ZNF813: variants seen among roughly 807,000 people sequenced by gnomAD.
ZNF813 encodes zinc finger protein 813.
Under a neutral mutation model 7.2 loss-of-function variants are expected in ZNF813, and 3 were observed. That is an observed-to-expected ratio of 0.42 (90% CI 0.19 to 1.08). The LOEUF (loss-of-function observed/expected upper bound fraction) is 1.08. Among genes scored for constraint, ZNF813 ranks in the 50% least tolerant of loss-of-function variants. ZNF813 has a pLI of 0.30. For synonymous variants in ZNF813, 227 were observed against 256.3 expected (o/e 0.89, Z 1.09); for missense variants, 714 against 753.3 (o/e 0.95, Z 0.61).
At chr19:53,480,818 A>G (rs2086404510) in intron 1 of ZNF813, among the ~76,000 whole-genome samples, 3 of 152,182 alleles carry the variant, frequency 2.0e-5, no homozygotes, top group South Asian at 4.1e-4. Context: ...TTGGATTGGC[A>G]TGGAACTTTT....
chr19:53,479,127 G>C (rs2086395450), intron 1 of ZNF813, among the ~76,000 whole-genome samples: 1 of 152,084 alleles, frequency 6.6e-6, no homozygotes, highest in South Asian at 2.1e-4. Flanking sequence ...CAGATATGGG[G>C]TTTCACCATG....
chr19:53,480,740 G>C (rs2086404183), intron 1 of ZNF813, among the ~76,000 whole-genome samples: 1 of 152,200 alleles, frequency 6.6e-6, no homozygotes. Flanking sequence ...ATCTTGAGCT[G>C]TGAGCTATTA....
At chr19:53,469,976 G>GAC (rs2086349254) in intron 1 of ZNF813, among the ~76,000 whole-genome samples, 2 of 149,692 alleles carry the variant, frequency 1.3e-5, no homozygotes, top group African/African-American at 2.4e-5. Flanking sequence ...TTTCAACAAA[G>GAC]AGTGGGGTTT....
intron 3 of ZNF813, among the ~76,000 whole-genome samples, chr19:53,487,833 A>C (rs1159796444): frequency 6.6e-6 from 1 of 151,576 alleles, no homozygotes; most frequent in African/African-American, 2.4e-5. Flanking sequence ...ACCTGCAAAA[A>C]CTTCTCTTTC....
intron 1 of ZNF813, among the ~76,000 whole-genome samples, chr19:53,482,906 T>TTTTTATTTTA (rs151119941): frequency 8.0e-4 from 120 of 150,664 alleles, no homozygotes; most frequent in African/African-American, 2.8e-3. Context: ...TGTATTTTTA[T>TTTTTATTTTA]TTTTATTTTA....
At chr19:53,468,100 G>T (rs112581977) in intron 1 of ZNF813, among the ~76,000 whole-genome samples, 8,988 of 152,244 alleles carry the variant, frequency 0.059, 510 homozygotes, top group African/African-American at 0.14. Flanking sequence ...CCAAGGGGTG[G>T]ATTCTCGCCC....
In ZNF813 at chr19:53,491,935, G is replaced by A. The variant is rs774305359; in HGVS notation, c.1703G>A (p.Arg568His). The change falls in exon 4 of 4, where the codon CGT becomes CAT. Residue 568 changes from arginine (R) to histidine (H), a missense_variant. Around this residue, in one of 3 missense-constraint regions of ZNF813, gnomAD observed 122 missense variants for 146.8 expected, o/e 0.83. Transcript: ENST00000396403. ...TTTAATCAAAAAGCACACCTTGCAC[G>A]TCACCATAGACTTCATACTGGAGAG... ...KVFNQKAHLA[R>H]HHRLHTGEKP... 58 of 1,609,576 alleles carry A rather than the reference G, an allele frequency of 3.6e-5. 2 individuals carry two copies. The highest frequency in any genetic ancestry group is 2.2e-4 in the South Asian group (20 of 90,440).
At chr19:53,490,013 A>G (rs1223880465) in intron 3 of ZNF813, among the ~76,000 whole-genome samples, 2 of 152,230 alleles carry the variant, frequency 1.3e-5, no homozygotes, top group African/African-American at 4.8e-5. Flanking sequence ...ATTTGTATAC[A>G]GCAAATATGC....
chr19:53,477,905 T>C (rs905816938), intron 1 of ZNF813, among the ~76,000 whole-genome samples: 1 of 152,180 alleles, frequency 6.6e-6, no homozygotes, highest in African/African-American at 2.4e-5. Context: ...TGTTGACTTC[T>C]GTGTATATAA....
At position 53,485,586 on chromosome 19, in the gene ZNF813, A is replaced by ATG. The variant is rs1491272088; in HGVS notation, c.16-1045_16-1044insGT. Reference sequence around the variant, plus strand: ...GACATATATACATGTATGTCATGACATATGTATGTCATGATATATATCGTG... The same window carrying ATG: ...GACATATATACATGTATGTCATGACATGTATGTATGTCATGATATATATCGTG... On this transcript the variant is annotated intron_variant, in intron 2 of 3. Transcript: ENST00000396403. Among the ~76,000 whole-genome samples the ATG allele has an allele frequency of 2.9e-3, 176 of 60,402 alleles. 1 individual carries two copies. Among genetic ancestry groups the ATG allele is most frequent in the African/African-American group, 8.5e-3 (159 of 18,804 alleles). The allele number at this position is 60,402 out of a possible 152,430, so 39.6% of individuals were successfully genotyped here. A position where few individuals can be genotyped will look rare whatever the true frequency, so the allele number is the denominator to read the frequency against.
At chr19:53,472,251 T>C (rs1383589497) in intron 1 of ZNF813, among the ~76,000 whole-genome samples, 3 of 152,196 alleles carry the variant, frequency 2.0e-5, no homozygotes, top group Non-Finnish European at 4.4e-5. Flanking sequence ...ATAAGCATAA[T>C]TGGCCTTTGT....
chr19:53,469,624 G>C (rs1425209711), intron 1 of ZNF813, among the ~76,000 whole-genome samples: 4 of 152,096 alleles, frequency 2.6e-5, no homozygotes, highest in Non-Finnish European at 5.9e-5. Flanking sequence ...TGTACAGAGA[G>C]ATGAAGGACA....
chr19:53,479,319 C>A lies in ZNF813; in HGVS notation c.-73-4431C>A, dbSNP rs1208954040. ...CAATGCCGAATGGAGGAGGCAGGAA[C>A]CGGAGTGTGAGCAGTAGCTGGGTGG... On this transcript the variant is annotated intron_variant, in intron 1 of 3. Transcript: ENST00000396403. 4 of 1,585,984 alleles carry A rather than the reference C, an allele frequency of 2.5e-6. No individual in the cohort carries two copies. The Admixed American group carries it at 6.7e-5, about 27-fold the overall frequency.
Position 53,478,760 on chromosome 19 carries a change from A to G in ZNF813, c.-73-4990A>G, listed in dbSNP as rs141242986. 7.2e-4 allele frequency among the ~76,000 whole-genome samples: 110 copies of G among 152,318 alleles called. 1 individual carries two copies. The highest frequency in any genetic ancestry group is 2.5e-3 in the African/African-American group (106 of 41,570). ...GCCAGTGCACTGCAGTCTGGGTGGC[A>G]GAGCGAGTCTCCATCTCACAAAAAC... On this transcript the variant is annotated intron_variant, in intron 1 of 3. Transcript: ENST00000396403.
rs543174918 is a variant in ZNF813 at position 53,485,717 on chromosome 19, CTTTTA to C, written c.16-909_16-905del. Among the ~76,000 whole-genome samples the C allele has an allele frequency of 1.8e-4, 27 of 151,996 alleles. No homozygotes were observed. The South Asian group carries it at 3.5e-3, about 20-fold the overall frequency. On this transcript the variant is annotated intron_variant, in intron 2 of 3. Transcript: ENST00000396403. ...GAGAAATCTAGTTTTCATGTATTTT[CTTTTA>C]TTTTAAGACTGGGTCTCACCGTATT...
At chr19:53,480,082 TGA>T in intron 1 of ZNF813, 1 of 762,610 alleles carries the variant, frequency 1.3e-6, no homozygotes, top group Admixed American at 1.7e-5. Context: ...TTGACCTGAA[TGA>T]GATGTAGAAT....
At chr19:53,483,336 G>A (rs368646241) in intron 1 of ZNF813, among the ~76,000 whole-genome samples, 67 of 152,194 alleles carry the variant, frequency 4.4e-4, no homozygotes, top group African/African-American at 1.5e-3. Context: ...ACACAGATGT[G>A]CACAACCATG....
chr19:53,482,712 GTTTTTTTTTTTTTTT>G (rs869250512), intron 1 of ZNF813, among the ~76,000 whole-genome samples: 2 of 89,088 alleles, frequency 2.2e-5, no homozygotes, highest in African/African-American at 9.3e-5. Context: ...AATGCTTTTT[GTTTTTTTTTTTTTTT>G]TTTTTTTTTT....
chr19:53,488,451 C>T (rs1176701929), intron 3 of ZNF813, among the ~76,000 whole-genome samples: 1 of 150,636 alleles, frequency 6.6e-6, no homozygotes, highest in Non-Finnish European at 1.5e-5. Flanking sequence ...GTCTGTTGTC[C>T]AGGCTGGAGT....
Sources: allele counts gnomAD v4.1 joint callset (sites outside exome capture counted in the v4.1 genomes callset), GRCh38; gene constraint gnomAD v4.1.1; regional missense constraint gnomAD v4.1.1; transcripts MANE v1.5; gene names NCBI Gene and HGNC (gene_info 2026-07-23, HGNC 2026-07-21).